The following FAN1 variants were observed in gnomAD, a reference collection of about 807,000 sequenced individuals.
FAN1 encodes FANCD2 and FANCI associated nuclease 1, also known as fanconi-associated nuclease 1.
FAN1 carries 91 observed loss-of-function variants against 104.9 expected under a neutral mutation model. That is an observed-to-expected ratio of 0.87 (90% CI 0.73 to 1.03). The LOEUF is 1.03. Among genes scored for constraint, FAN1 ranks in the 50% least tolerant of loss-of-function variants. The probability of loss-of-function intolerance (pLI) is 0.00; values close to 1 mark genes in which losing one functional copy is unlikely to be tolerated. For missense variants in FAN1, 1,263 were observed against 1,239.9 expected, an observed-to-expected ratio of 1.02 and a Z score of -0.28; for synonymous variants, 478 against 457.6, an observed-to-expected ratio of 1.04 and a Z score of -0.57.
At position 30,942,293 on chromosome 15, in the gene FAN1, G is replaced by C; in HGVS notation, c.*731G>C. 1 of 612,718 alleles carries C rather than the reference G, an allele frequency of 1.6e-6. No homozygotes were observed. The highest frequency in any genetic ancestry group is 2.8e-6 in the Non-Finnish European group (1 of 357,734). 38.0% of individuals were successfully genotyped at this position (612,718 alleles called of 1,614,324 possible). ...CTAGGCTGTTACTATCAGCCTGAAT[G>C]GGGGCGGGATGAGAGTACCTCCTAT... is the stretch of plus-strand genomic sequence containing the variant. On this transcript the variant is annotated 3_prime_UTR_variant, in exon 15 of 15. Coordinates refer to ENST00000362065, the MANE Select transcript of FAN1 (RefSeq NM_014967.5).
intron 10 of FAN1, chr15:30,927,350 T>C: frequency 1.0e-6 from 1 of 985,562 alleles, no homozygotes. Flanking sequence ...TGAAGTGTTC[T>C]AGGAAGAAAA....
chr15:30,905,063 G>T lies in FAN1; in HGVS notation c.400G>T (p.Val134Leu). The change falls in exon 2 of 15, where the codon GTG becomes TTG. Residue 134 changes from valine to leucine, a missense_variant. By Grantham distance (32) the Val-to-Leu change is conservative. Transcript: ENST00000362065. The part of the protein sequence containing the change: ...KISPYFKSND[V>L]VCKNQDELRN... Reference sequence around the variant, plus strand: ...CAGTCCCTACTTTAAAAGTAATGATGTGGTGTGCAAAAATCAAGATGAGCT... The same window carrying T: ...CAGTCCCTACTTTAAAAGTAATGATTTGGTGTGCAAAAATCAAGATGAGCT... 1 of 1,614,028 alleles carries T rather than the reference G, an allele frequency of 6.2e-7. No homozygotes were observed.
chr15:30,942,052 T>C lies in FAN1; in HGVS notation c.*490T>C. ...TCTTTAAGGCAGACGGCATTCCTCT[T>C]AGTGTGGAGCTGTAGCTTTTCTATA... On this transcript the variant is annotated 3_prime_UTR_variant, in exon 15 of 15. Coordinates refer to ENST00000362065, the MANE Select transcript of FAN1 (RefSeq NM_014967.5). 1.9e-6 allele frequency: 3 copies of C among 1,613,876 alleles called. No individual in the cohort carries two copies. Among genetic ancestry groups the C allele is most frequent in the Non-Finnish European group, 2.5e-6 (3 of 1,179,798 alleles).
chr15:30,906,857 T>C (rs1406917944), intron 2 of FAN1, among the ~76,000 whole-genome samples: 1 of 152,222 alleles, frequency 6.6e-6, no homozygotes, highest in Non-Finnish European at 1.5e-5. Flanking sequence ...GCACATTGGC[T>C]TTTCTATCCA....
chr15:30,937,448 T>A (rs1193759097), intron 14 of FAN1, among the ~76,000 whole-genome samples, 189 bp downstream of exon 14: 2 of 2,932 alleles, frequency 6.8e-4, no homozygotes. Flanking sequence ...GGTAATAAAC[T>A]TTTTTTTTTT....
intron 7 of FAN1, 62 bp from the exon 8 acceptor site, chr15:30,922,173 A>G: frequency 6.3e-7 from 1 of 1,578,094 alleles, no homozygotes; most frequent in Non-Finnish European, 8.6e-7. Flanking sequence ...TGGGCTTGTA[A>G]ATATCATTGC....
Position 30,929,238 on chromosome 15 carries a change from C to T in FAN1, c.2628C>T (p.Phe876=). ...TGGACTTGTGCACAGACAGCTTCTT[C>T]ACAAGCAGACGCCCAGCCCTTGAGG... is the stretch of plus-strand genomic sequence containing the variant. The part of the protein sequence containing the change: ...FPLDLCTDSF[F]TSRRPALEAR... Residue 876 remains phenylalanine, a synonymous_variant, in exon 12 of 15, where the codon TTC becomes TTT. Coordinates refer to ENST00000362065, the MANE Select transcript of FAN1 (RefSeq NM_014967.5). 1 of 1,613,456 alleles carries T rather than the reference C, an allele frequency of 6.2e-7. No homozygotes were observed. The highest frequency in any genetic ancestry group is 8.5e-7 in the Non-Finnish European group (1 of 1,179,798).
Position 30,941,590 on chromosome 15 carries a change from T to C in FAN1, c.*28T>C, listed in dbSNP as rs1488628838. On this transcript the variant is annotated 3_prime_UTR_variant, in exon 15 of 15. Coordinates refer to ENST00000362065, the MANE Select transcript of FAN1 (RefSeq NM_014967.5). ...GATTCCCTACAGGAGAAAATGGAAA[T>C]GAGGAGGAGAGAAACTCCGGTGTCC... is the stretch of plus-strand genomic sequence containing the variant. 3 of 1,599,820 alleles carry C rather than the reference T, an allele frequency of 1.9e-6. No homozygotes were observed. The highest frequency in any genetic ancestry group is 2.6e-6 in the Non-Finnish European group (3 of 1,172,756).
At position 30,942,647 on chromosome 15, in the gene FAN1, A is replaced by G. The variant is rs2063092573; in HGVS notation, c.*1085A>G. The G allele has an allele frequency of 2.1e-6, 1 of 468,136 alleles. No individual in the cohort carries two copies. Among genetic ancestry groups the G allele is most frequent in the Non-Finnish European group, 3.7e-6 (1 of 268,992 alleles). The allele number at this position is 468,136 out of a possible 1,614,324, so 29.0% of individuals were successfully genotyped here. On this transcript the variant is annotated 3_prime_UTR_variant, in exon 15 of 15. Transcript: ENST00000362065. ...GAAATGGATAAATGGGGCTTTAGTA[A>G]ATCAGGCTTGCAGGCTCAAAGCTGC...
At chr15:30,914,632 C>G (rs1283439740) in intron 5 of FAN1, among the ~76,000 whole-genome samples, 1 of 152,180 alleles carries the variant, frequency 6.6e-6, no homozygotes, top group African/African-American at 2.4e-5. Flanking sequence ...TCCCAAAGTG[C>G]TGGGATTATA....
At chr15:30,917,966 C>CT (rs2062229106) in intron 5 of FAN1, among the ~76,000 whole-genome samples, 198 bp from the exon 6 acceptor site, 1 of 152,174 alleles carries the variant, frequency 6.6e-6, no homozygotes, top group African/African-American at 2.4e-5. Context: ...TTTTATCTTT[C>CT]TAGTTGGGCT....
In FAN1 at chr15:30,929,283, T is replaced by C; in HGVS notation, c.2673T>C (p.His891=). 1 of 1,613,372 alleles carries C rather than the reference T, an allele frequency of 6.2e-7. No homozygotes were observed. Among genetic ancestry groups the C allele is most frequent in the Non-Finnish European group, 8.5e-7 (1 of 1,179,716 alleles). The change falls in exon 12 of 15, where the codon CAT becomes CAC. Residue 891 remains histidine, a synonymous_variant. Transcript: ENST00000362065. ...TTGAGGCCAGGCTGCAGCTGATTCA[T>C]GATGCCCCCGAGGAGAGCCTGCGGG... ...PALEARLQLI[H]DAPEESLRAW... is the part of the protein sequence containing the mutation.
In FAN1 at chr15:30,929,379, G is replaced by A. The variant is rs757368405; in HGVS notation, c.2769G>A (p.Thr923=). The change falls in exon 12 of 15, where the codon ACG becomes ACA. Residue 923 remains threonine (T), a synonymous_variant. Transcript: ENST00000362065. ...CCCTTGTCAGCTGGGATCGCTTCAC[G>A]TCTCTTCAGCAAGCTCAGGTAATGG... ...VASLVSWDRF[T]SLQQAQDLVS... The A allele has an allele frequency of 1.4e-5, 22 of 1,606,968 alleles. No individual in the cohort carries two copies. Among genetic ancestry groups the A allele is most frequent in the Non-Finnish European group, 1.7e-5 (20 of 1,176,474 alleles).
chr15:30,904,548 T>C lies in FAN1; in HGVS notation c.-116T>C. 1 of 971,816 alleles carries C rather than the reference T, an allele frequency of 1.0e-6. No individual in the cohort carries two copies. Among genetic ancestry groups the C allele is most frequent in the Non-Finnish European group, 1.6e-6 (1 of 606,868 alleles). 60.2% of individuals were successfully genotyped at this position (971,816 alleles called of 1,614,324 possible). A position where few individuals can be genotyped will look rare whatever the true frequency, so the allele number is the denominator to read the frequency against. On this transcript the variant is annotated 5_prime_UTR_variant, in exon 2 of 15. Transcript: ENST00000362065. ...TGTCGAGACGAATAACATGAGGTCA[T>C]ATAGAATCCCACTTTTGGTGATTTC...
intron 8 of FAN1, among the ~76,000 whole-genome samples, chr15:30,923,788 T>C (rs2062393397): frequency 6.6e-6 from 1 of 152,242 alleles, no homozygotes; most frequent in South Asian, 2.1e-4. Context: ...CCTTCACTGA[T>C]TTTCAATTTC....
At position 30,905,605 on chromosome 15, in the gene FAN1, A is replaced by C. The variant is rs959534075; in HGVS notation, c.942A>C (p.Ile314=). 1 of 1,614,082 alleles carries C rather than the reference A, an allele frequency of 6.2e-7. No individual in the cohort carries two copies. The change falls in exon 2 of 15, where the codon ATA becomes ATC. Residue 314 remains isoleucine (I), a synonymous_variant. Transcript: ENST00000362065. ...VKMTVASEAK[I]QLSDSEAKSH... The stretch of plus-strand genomic sequence containing the variant: ...TGACTGTTGCTTCAGAAGCTAAAAT[A>C]CAGCTGTCAGATTCAGAGGCAAAAT...
intron 10 of FAN1, 108 bp downstream of exon 10, chr15:30,926,047 C>T: frequency 1.8e-6 from 2 of 1,130,084 alleles, no homozygotes; most frequent in Non-Finnish European, 1.3e-6. Context: ...CCTCTGCTCA[C>T]AGTGGAAGAT....
chr15:30,927,570 C>T, intron 10 of FAN1: 2 of 985,654 alleles, frequency 2.0e-6, no homozygotes, highest in South Asian at 4.7e-5. Context: ...CACCCCTGAT[C>T]CCACTCACTG....
At chr15:30,910,926 T>TA in intron 4 of FAN1, 111 bp downstream of exon 4, 1 of 1,413,076 alleles carries the variant, frequency 7.1e-7, no homozygotes, top group Non-Finnish European at 9.3e-7. Flanking sequence ...CAGTTGTAGT[T>TA]AGATTGAGAA....
Sources: gnomAD v4.1 joint callset for allele counts (sites outside exome capture counted in the v4.1 genomes callset) on GRCh38, gnomAD v4.1.1 for gene constraint, MANE v1.5 for transcripts, NCBI Gene and HGNC (gene_info 2026-07-23, HGNC 2026-07-21) for gene names.